The following ANO7 variants were observed in gnomAD, a reference collection of about 807,000 sequenced individuals.
ANO7 encodes the protein anoctamin-7.
In ANO7, 114 loss-of-function variants were observed where a neutral mutation model predicts 115.8. The observed-to-expected ratio is 0.98, with a 90% CI of 0.85 to 1.15. The LOEUF (loss-of-function observed/expected upper bound fraction) is 1.15. ANO7 is among the 50% of genes most tolerant of loss of function. The probability of loss-of-function intolerance (pLI) is 0.00; values close to 1 mark genes in which losing one functional copy is unlikely to be tolerated. For synonymous variants in ANO7, 550 were observed against 498.2 expected, an observed-to-expected ratio of 1.10 and a Z score of -1.38; for missense variants, 1,302 against 1,201.2, an observed-to-expected ratio of 1.08 and a Z score of -1.24.
chr2:241,206,222 A>T (rs1415393202), intron 10 of ANO7, among the ~76,000 whole-genome samples: 1 of 21,806 alleles, frequency 4.6e-5, no homozygotes, highest in African/African-American at 2.7e-4. Flanking sequence ...ACACAGGTGG[A>T]CAGGAGTGCT....
At chr2:241,196,557 A>C (rs2149127955) in intron 4 of ANO7, among the ~76,000 whole-genome samples, 1 of 152,130 alleles carries the variant, frequency 6.6e-6, no homozygotes, top group South Asian at 2.1e-4. Flanking sequence ...TGTTCATCCC[A>C]CTCGGGGTTT....
rs1574773924 is a variant in ANO7 at position 241,204,897 on chromosome 2, G to A, written c.922G>A (p.Val308Met). The stretch of plus-strand genomic sequence containing the variant: ...CACAGGCTGGCTCCTGCCAGCGGCA[G>A]TGGTGGGCACACTGGTGTTCCTGGT... ...FYTGWLLPAA[V>M]VGTLVFLVGC... Residue 308 changes from valine to methionine, a missense_variant, in exon 10 of 25, where the codon GTG (valine) becomes ATG (methionine). By Grantham distance (21) the Val-to-Met change is conservative. Transcript: ENST00000674324. 5 of 1,613,884 alleles carry A rather than the reference G, an allele frequency of 3.1e-6. No homozygotes were observed. Among genetic ancestry groups the A allele is most frequent in the African/African-American group, 2.7e-5 (2 of 74,936 alleles).
the ANO7 span, chr2:241,231,032 C>A: frequency 8.6e-7 from 1 of 1,156,660 alleles, no homozygotes; most frequent in Non-Finnish European, 1.3e-6. Context: ...CTGAGGAAAA[C>A]AGCTCAGGAG....
At chr2:241,190,270 C>T (rs2149091127) in intron 2 of ANO7, 99 bp downstream of exon 2, 3 of 1,049,770 alleles carry the variant, frequency 2.9e-6, no homozygotes, top group East Asian at 2.7e-5. Context: ...GGTGGATGGG[C>T]ATCACCGTGT....
At chr2:241,227,852 TAG>T (rs1243871826), downstream of ANO7, 1 of 151,788 alleles carries the variant, frequency 6.6e-6, no homozygotes, top group Non-Finnish European at 1.5e-5. Flanking sequence ...GGAGGTGGAG[TAG>T]ACAGATCCCG....
rs571486034 is a variant in ANO7, at chr2:241,214,739, A to G, written c.1729-66A>G. ...CCGGGATGAGGGCCAGCTTTGAGAC[A>G]AGAAGGGATGCGTGGGTGAGTGGCT... On this transcript the variant is annotated intron_variant, in intron 17 of 24. Coordinates refer to ENST00000674324, the MANE Select transcript of ANO7 (RefSeq NM_001370694.2). 1.4e-5 allele frequency: 21 copies of G among 1,474,468 alleles called. No homozygotes were observed. In the African/African-American group the frequency reaches 2.6e-4, roughly 18 times the overall value. 91.3% of individuals were successfully genotyped at this position (1,474,468 alleles called of 1,614,324 possible).
At position 241,191,209 on chromosome 2, in the gene ANO7, G is replaced by A. The variant is rs199899635; in HGVS notation, c.124G>A (p.Ala42Thr). The A allele has an allele frequency of 6.2e-7, 1 of 1,613,896 alleles. No homozygotes were observed. The highest frequency in any genetic ancestry group is 2.2e-5 in the East Asian group (1 of 44,876). The change falls in exon 3 of 25, where the codon GCG becomes ACG. Residue 42 changes from alanine (A) to threonine (T), a missense_variant. Transcript: ENST00000674324. ...TGCCTTCCAGCCAGGTGGACAGCAAGCGGCCGCCTGCAGAGCTGGGAGTCC... is the reference window on the plus strand; with the variant it reads ...TGCCTTCCAGCCAGGTGGACAGCAAACGGCCGCCTGCAGAGCTGGGAGTCC... ...AHASEPGGQQ[A>T]AACRAGSPAK...
At chr2:241,217,619 G>C (rs1574793462) in intron 19 of ANO7, 67 bp from the exon 20 acceptor site, 3 of 1,513,130 alleles carry the variant, frequency 2.0e-6, no homozygotes, top group Non-Finnish European at 2.7e-6. Flanking sequence ...GTCCTCCGCG[G>C]GGGGCGCGTT....
At chr2:241,202,424 G>T in intron 8 of ANO7, 120 bp downstream of exon 8, 1 of 787,968 alleles carries the variant, frequency 1.3e-6, no homozygotes, top group Non-Finnish European at 2.1e-6. Context: ...CCACCCAGGA[G>T]TCAGAACACT....
At chr2:241,215,225 G>A (rs547943330) in intron 18 of ANO7, among the ~76,000 whole-genome samples, 8 of 152,338 alleles carry the variant, frequency 5.3e-5, no homozygotes, top group Admixed American at 2.0e-4. Flanking sequence ...GAGATGCTGC[G>A]GCTGGGCCAG....
chr2:241,216,819 G>C (rs2068840360), intron 19 of ANO7, among the ~76,000 whole-genome samples: 1 of 105,730 alleles, frequency 9.5e-6, no homozygotes, highest in Non-Finnish European at 2.1e-5. Context: ...GAATCATCAG[G>C]CAGTTTGTTT....
rs528691747 is a variant in ANO7, at chr2:241,208,959, C to T, written c.1078-326C>T. Among the ~76,000 whole-genome samples, 141 of 152,200 alleles carry T rather than the reference C, an allele frequency of 9.3e-4. 1 individual carries two copies. The highest frequency in any genetic ancestry group is 7.9e-4 in the Non-Finnish European group (54 of 68,014). ...GGTCAGAAGATCGAGACCATCCTGG[C>T]TAACACGGTGAAACCTCGTCTCTAC... On this transcript the variant is annotated intron_variant, in intron 11 of 24. Coordinates refer to ENST00000674324, the MANE Select transcript of ANO7 (RefSeq NM_001370694.2).
chr2:241,219,731 CTTTTT>C (rs11299376), intron 21 of ANO7, among the ~76,000 whole-genome samples: 1,348 of 113,978 alleles, frequency 0.012, 15 homozygotes, highest in African/African-American at 0.031. Flanking sequence ...CCAGGCCTGG[CTTTTT>C]TTTTTTTTTT....
intron 16 of ANO7, 121 bp from the exon 17 acceptor site, chr2:241,212,451 G>T: frequency 8.6e-7 from 1 of 1,157,230 alleles, no homozygotes; most frequent in Non-Finnish European, 1.3e-6. Flanking sequence ...GGGACTCTAC[G>T]CCACAGTTCG....
At chr2:241,235,243 C>A in the ANO7 span, 1 of 1,614,150 alleles carries the variant, frequency 6.2e-7, no homozygotes, top group Admixed American at 1.7e-5. Context: ...GGTGCCGGGA[C>A]ATGTATGTTC....
downstream of ANO7, chr2:241,229,585 C>G: frequency 6.3e-7 from 1 of 1,598,104 alleles, no homozygotes; most frequent in South Asian, 1.1e-5. Flanking sequence ...GGAGAGGGTT[C>G]TGTTCTTTTT....
chr2:241,223,172 T>C lies in ANO7; in HGVS notation c.2322-14T>C. 6.2e-7 allele frequency: 1 copy of C among 1,613,282 alleles called. No homozygotes were observed. The highest frequency in any genetic ancestry group is 8.5e-7 in the Non-Finnish European group (1 of 1,179,314). ...AGCCCTGGCTGCGCGCACTGAGTCC[T>C]GTGTCTGCTGCAGGTATCGGGCTTT... On this transcript the variant is annotated splice_polypyrimidine_tract_variant and intron_variant, in intron 21 of 24. Coordinates refer to ENST00000674324, the MANE Select transcript of ANO7 (RefSeq NM_001370694.2).
downstream of ANO7, among the ~76,000 whole-genome samples, chr2:241,226,005 G>A (rs1429574917): frequency 1.3e-5 from 2 of 152,120 alleles, no homozygotes; most frequent in Non-Finnish European, 2.9e-5. Context: ...TGAAACGTAC[G>A]AAAATGCTCA....
intron 6 of ANO7, among the ~76,000 whole-genome samples, 160 bp from the exon 7 acceptor site, chr2:241,201,138 G>A (rs140095289): frequency 3.6e-4 from 55 of 152,344 alleles, no homozygotes; most frequent in African/African-American, 1.1e-3. Context: ...CTCCTGGGGC[G>A]AGGGCTGTGT....
Sources: allele counts gnomAD v4.1 joint callset (sites outside exome capture counted in the v4.1 genomes callset), GRCh38; gene constraint gnomAD v4.1.1; transcripts MANE v1.5; gene names NCBI Gene and HGNC (gene_info 2026-07-23, HGNC 2026-07-21).